STK33: variants seen among roughly 807,000 people sequenced by gnomAD.
STK33 encodes the protein serine/threonine kinase 33.
A neutral mutation model predicts 58.0 loss-of-function variants in STK33; 52 were observed. The observed-to-expected ratio is 0.90, with a 90% CI of 0.72 to 1.13. STK33 has a LOEUF of 1.13. STK33 is among the 50% of genes most tolerant of loss of function. The pLI, the probability that STK33 is intolerant of heterozygous loss-of-function variation, is 0.00. For synonymous variants in STK33, 215 were observed against 200.1 expected (o/e 1.07, Z -0.63); for missense variants, 630 against 604.2 (o/e 1.04, Z -0.45).
chr11:8,531,129 T>G (rs1278602901), intron 1 of STK33, among the ~76,000 whole-genome samples: 1 of 152,178 alleles, frequency 6.6e-6, no homozygotes, highest in Non-Finnish European at 1.5e-5. Flanking sequence ...TTAATAAAAC[T>G]TAAACATCTC....
At chr11:8,493,010 T>C (rs1039979601) in intron 1 of STK33, among the ~76,000 whole-genome samples, 16 of 151,940 alleles carry the variant, frequency 1.1e-4, no homozygotes, top group Non-Finnish European at 2.2e-4. Context: ...GATCTAAAAT[T>C]GACACCCTAA....
chr11:8,441,593 G>A (rs1219261997), intron 11 of STK33, among the ~76,000 whole-genome samples: 1 of 152,096 alleles, frequency 6.6e-6, no homozygotes, highest in Non-Finnish European at 1.5e-5. Flanking sequence ...CTGGCCTCAA[G>A]TGATCCTCCC....
Position 8,571,553 on chromosome 11 carries a change from G to A in STK33, c.-466+22530C>T, listed in dbSNP as rs528426283. On this transcript the variant is annotated intron_variant, in intron 1 of 15. Coordinates refer to ENST00000687296, the MANE Select transcript of STK33 (RefSeq NM_001352389.2). Reference sequence around the variant, plus strand: ...TACACTTAAAAATGGTTAAAATGGGGCCAGGCATGGTGGCTCACGCCTGTA... The same window carrying A: ...TACACTTAAAAATGGTTAAAATGGGACCAGGCATGGTGGCTCACGCCTGTA... 1.2e-4 allele frequency among the ~76,000 whole-genome samples: 18 copies of A among 152,276 alleles called. 2 individuals carry two copies. In the South Asian group the frequency reaches 3.7e-3, roughly 32 times the overall value.
At chr11:8,531,488 G>C (rs1954545098) in intron 1 of STK33, among the ~76,000 whole-genome samples, 1 of 152,238 alleles carries the variant, frequency 6.6e-6, no homozygotes, top group Non-Finnish European at 1.5e-5. Flanking sequence ...TTGGAGCTCT[G>C]TGAAAGCTCA....
the STK33 span, among the ~76,000 whole-genome samples, chr11:8,364,446 C>T: frequency 6.6e-6 from 1 of 152,210 alleles, no homozygotes; most frequent in Non-Finnish European, 1.5e-5. Flanking sequence ...CTGGCAGATG[C>T]CCAGTGTCCA....
chr11:8,438,389 T>C (rs1333468482), intron 12 of STK33, among the ~76,000 whole-genome samples: 1 of 152,198 alleles, frequency 6.6e-6, no homozygotes, highest in African/African-American at 2.4e-5. Flanking sequence ...TAACTTCACC[T>C]TGAGAAAGTA....
the STK33 span, among the ~76,000 whole-genome samples, chr11:8,356,055 CAG>C: frequency 2.6e-5 from 4 of 152,194 alleles, no homozygotes; most frequent in African/African-American, 7.2e-5. Context: ...TACCCCGTAA[CAG>C]GGGGTGCAGG....
intron 1 of STK33, among the ~76,000 whole-genome samples, chr11:8,494,554 G>A (rs375830355): frequency 2.0e-5 from 3 of 152,074 alleles, no homozygotes; most frequent in Admixed American, 2.0e-4. Flanking sequence ...CCATCCCCAT[G>A]AAGCTACCAA....
intron 1 of STK33, among the ~76,000 whole-genome samples, chr11:8,483,051 ATTG>A (rs1333067302): frequency 6.6e-6 from 1 of 152,100 alleles, no homozygotes; most frequent in African/African-American, 2.4e-5. Context: ...ATCTTATGTA[ATTG>A]TTGTGAGGAC....
chr11:8,414,909 G>A (rs1173726113), intron 14 of STK33, among the ~76,000 whole-genome samples: 1 of 152,108 alleles, frequency 6.6e-6, no homozygotes, highest in African/African-American at 2.4e-5. Flanking sequence ...ATTTCTGTCA[G>A]ATATCCCAGA....
At chr11:8,543,595 T>G (rs1955686187) in intron 1 of STK33, among the ~76,000 whole-genome samples, 1 of 151,568 alleles carries the variant, frequency 6.6e-6, no homozygotes, top group Admixed American at 6.6e-5. Flanking sequence ...TACCAGAGGG[T>G]GGGAAGGGTT....
At chr11:8,575,153 A>T (rs1333338795) in intron 1 of STK33, among the ~76,000 whole-genome samples, 1 of 152,182 alleles carries the variant, frequency 6.6e-6, no homozygotes, top group Admixed American at 6.5e-5. Context: ...TGCTGCTGGG[A>T]ATTTAAAATG....
At chr11:8,351,702 T>G in the STK33 span, among the ~76,000 whole-genome samples, 1 of 151,894 alleles carries the variant, frequency 6.6e-6, no homozygotes, top group Non-Finnish European at 1.5e-5. Context: ...CGTCCGGAGG[T>G]GGACAGGTGC....
chr11:8,403,667 C>A (rs536734096), intron 15 of STK33, among the ~76,000 whole-genome samples: 3 of 152,330 alleles, frequency 2.0e-5, no homozygotes, highest in Admixed American at 6.5e-5. Context: ...CCTTACAAGC[C>A]TTCCTCCAGT....
chr11:8,520,745 T>C (rs1391454446), intron 1 of STK33, among the ~76,000 whole-genome samples: 1 of 152,088 alleles, frequency 6.6e-6, no homozygotes, highest in Non-Finnish European at 1.5e-5. Context: ...ACGTTCACAA[T>C]TGCTTCAAAG....
At chr11:8,478,569 GAAGA>G (rs1949499243) in intron 2 of STK33, among the ~76,000 whole-genome samples, 1 of 152,138 alleles carries the variant, frequency 6.6e-6, no homozygotes. Context: ...ATTGGCCCTA[GAAGA>G]TACACTTACA....
Position 8,560,625 on chromosome 11 carries a change from G to T in STK33, c.-466+33458C>A, listed in dbSNP as rs375208086. Among the ~76,000 whole-genome samples, 147 of 152,136 alleles carry T rather than the reference G, an allele frequency of 9.7e-4. 1 individual carries two copies. The highest frequency in any genetic ancestry group is 1.5e-3 in the Non-Finnish European group (100 of 67,970). On this transcript the variant is annotated intron_variant, in intron 1 of 15. Coordinates refer to ENST00000687296, the MANE Select transcript of STK33 (RefSeq NM_001352389.2). ...CTAGGTTGAGAGTTATGCTTAGAAA[G>T]GCCTTCTCTGCCCCAAGATTATAAA...
At chr11:8,413,383 G>T (rs773902320) in intron 15 of STK33, 112 bp downstream of exon 15, 1 of 1,156,828 alleles carries the variant, frequency 8.6e-7, no homozygotes, top group Non-Finnish European at 1.3e-6. Flanking sequence ...GCTATATAAC[G>T]CTCGGCCTTT....
rs1958209210 is a variant in STK33 at position 8,576,679 on chromosome 11, T to A, written c.-466+17404A>T. ...TCACTTAATTCTTGTAACAACTCCATAAGATAAGTTCTACTACTATTCCCA... is the reference window on the plus strand; with the variant it reads ...TCACTTAATTCTTGTAACAACTCCAAAAGATAAGTTCTACTACTATTCCCA... On this transcript the variant is annotated intron_variant, in intron 1 of 15. Transcript: ENST00000687296. 3.3e-5 allele frequency among the ~76,000 whole-genome samples: 5 copies of A among 152,152 alleles called. No homozygotes were observed. The South Asian group carries it at 1.0e-3, about 32-fold the overall frequency.
Sources: allele counts gnomAD v4.1 joint callset (sites outside exome capture counted in the v4.1 genomes callset), GRCh38; gene constraint gnomAD v4.1.1; transcripts MANE v1.5; gene names NCBI Gene and HGNC (gene_info 2026-07-23, HGNC 2026-07-21).